The following STOX2 variants were observed in gnomAD, a reference collection of about 807,000 sequenced individuals.
STOX2 encodes the protein storkhead box 2.
STOX2 carries 28 observed loss-of-function variants against 60.9 expected under a neutral mutation model. The ratio of observed to expected loss-of-function variants is 0.46; its 90% CI spans 0.34 to 0.63. The LOEUF (loss-of-function observed/expected upper bound fraction) is 0.63. STOX2 is among the 30% of genes least tolerant of loss of function. The pLI, the probability that STOX2 is intolerant of heterozygous loss-of-function variation, is 0.01. For synonymous variants in STOX2, 472 were observed against 463.9 expected (o/e 1.02, Z -0.22); for missense variants, 1,024 against 1,187.7 (o/e 0.86, Z 2.03).
chr4:184,016,072 C>T (rs1465366024), intron 3 of STOX2: 2 of 152,262 alleles, frequency 1.3e-5, no homozygotes, highest in East Asian at 1.9e-4. Context: ...GTATTCTATA[C>T]GAATTATTTT....
intron 1 of STOX2, among the ~76,000 whole-genome samples, chr4:183,951,242 A>T (rs1453531822): frequency 6.7e-6 from 1 of 148,286 alleles, no homozygotes; most frequent in Non-Finnish European, 1.5e-5. Context: ...AAAAAAAGAC[A>T]GTAGTGCAAA....
At chr4:183,870,236 G>A (rs776367290) in intron 1 of STOX2, among the ~76,000 whole-genome samples, 62 of 152,284 alleles carry the variant, frequency 4.1e-4, no homozygotes, top group Non-Finnish European at 7.2e-4. Flanking sequence ...GGGAACTTGC[G>A]CGACATTTTT....
At chr4:183,827,705 C>T (rs530438626) in intron 1 of STOX2, among the ~76,000 whole-genome samples, 76 of 151,504 alleles carry the variant, frequency 5.0e-4, no homozygotes, top group African/African-American at 1.8e-3. Flanking sequence ...TGAACTTGTA[C>T]ATATTTTATA....
chr4:183,911,594 A>G (rs76722622), intron 1 of STOX2, among the ~76,000 whole-genome samples: 9,021 of 152,190 alleles, frequency 0.059, 903 homozygotes, highest in African/African-American at 0.21. Flanking sequence ...TATCTTTTAC[A>G]TTCTTTCTAA....
At chr4:183,947,850 G>C (rs893062305) in intron 1 of STOX2, among the ~76,000 whole-genome samples, 8 of 152,170 alleles carry the variant, frequency 5.3e-5, no homozygotes, top group Non-Finnish European at 1.2e-4. Flanking sequence ...GTTAGAACCA[G>C]TTGGCTTTTT....
chr4:184,006,228 A>G (rs1251849355), intron 2 of STOX2, among the ~76,000 whole-genome samples: 1 of 152,228 alleles, frequency 6.6e-6, no homozygotes, highest in Non-Finnish European at 1.5e-5. Context: ...CTGGTCAATC[A>G]TGAATACTTA....
intron 1 of STOX2, among the ~76,000 whole-genome samples, chr4:183,895,245 A>G (rs141376848): frequency 2.6e-5 from 4 of 152,310 alleles, no homozygotes; most frequent in Admixed American, 2.6e-4. Flanking sequence ...GTCAAGTCCT[A>G]TATGAACATA....
intron 1 of STOX2, among the ~76,000 whole-genome samples, chr4:183,983,938 G>T (rs1037499222): frequency 6.6e-6 from 1 of 152,054 alleles, no homozygotes; most frequent in Non-Finnish European, 1.5e-5. Flanking sequence ...GCCACCGTGC[G>T]CCATGTTCTG....
At chr4:183,882,214 C>G (rs539566378) in intron 1 of STOX2, among the ~76,000 whole-genome samples, 1 of 152,332 alleles carries the variant, frequency 6.6e-6, no homozygotes, top group South Asian at 2.1e-4. Flanking sequence ...GAAACTGAAT[C>G]CCTGAGATAA....
At chr4:183,927,132 A>G (rs1427857083) in intron 1 of STOX2, among the ~76,000 whole-genome samples, 1 of 152,200 alleles carries the variant, frequency 6.6e-6, no homozygotes, top group Non-Finnish European at 1.5e-5. Context: ...TTCTTTGCAC[A>G]CATGTAGACT....
At chr4:183,839,048 T>C (rs1739785078) in intron 1 of STOX2, among the ~76,000 whole-genome samples, 1 of 145,848 alleles carries the variant, frequency 6.9e-6, no homozygotes, top group African/African-American at 2.6e-5. Context: ...CAGGTACACA[T>C]GCACACACAC....
chr4:183,823,019 G>T (rs897024400), intron 1 of STOX2, among the ~76,000 whole-genome samples: 1 of 152,226 alleles, frequency 6.6e-6, no homozygotes, highest in Non-Finnish European at 1.5e-5. Context: ...ACCTTCGGGT[G>T]CTCTTGAAAG....
At chr4:183,809,462 G>A (rs1381141404) in intron 1 of STOX2, among the ~76,000 whole-genome samples, 5 of 152,138 alleles carry the variant, frequency 3.3e-5, no homozygotes, top group South Asian at 2.1e-4. Context: ...GCAGTGGCTC[G>A]ATCTCGGCTA....
chr4:183,838,280 C>G (rs189265081), intron 1 of STOX2, among the ~76,000 whole-genome samples: 1,629 of 149,362 alleles, frequency 0.011, 23 homozygotes, highest in African/African-American at 0.037. Context: ...TATTGAAATA[C>G]TTAAATAATT....
chr4:183,957,680 A>G (rs1743290311), intron 1 of STOX2, among the ~76,000 whole-genome samples: 1 of 152,214 alleles, frequency 6.6e-6, no homozygotes, highest in Non-Finnish European at 1.5e-5. Context: ...AGGTGTCCTC[A>G]TCAGTTTTTG....
intron 1 of STOX2, among the ~76,000 whole-genome samples, chr4:183,813,361 T>A (rs10032832): frequency 3.9e-5 from 6 of 151,998 alleles, no homozygotes; most frequent in African/African-American, 1.5e-4. Context: ...CCAGCTTGGG[T>A]GACAGAGTGA....
intron 1 of STOX2, among the ~76,000 whole-genome samples, chr4:183,893,481 C>T (rs568032063): frequency 6.6e-6 from 1 of 152,260 alleles, no homozygotes; most frequent in South Asian, 2.1e-4. Flanking sequence ...CTGGGTGATG[C>T]AAGTGATGCT....
chr4:183,838,924 G>T (rs34203469), intron 1 of STOX2, among the ~76,000 whole-genome samples: 29,743 of 152,158 alleles, frequency 0.2, 3,687 homozygotes, highest in Non-Finnish European at 0.28. Context: ...TTTCTGGTAA[G>T]CATTTGAGAA....
At chr4:183,902,711 C>T (rs1741489253), upstream of STOX2, among the ~76,000 whole-genome samples, 2 of 152,208 alleles carry the variant, frequency 1.3e-5, no homozygotes, top group Non-Finnish European at 2.9e-5. Flanking sequence ...GGACTGGTTT[C>T]ACAATACGCT....
Sources: gnomAD v4.1 joint callset for allele counts (sites outside exome capture counted in the v4.1 genomes callset) on GRCh38, gnomAD v4.1.1 for gene constraint, MANE v1.5 for transcripts, NCBI Gene and HGNC (gene_info 2026-07-23, HGNC 2026-07-21) for gene names.